Variants in PITPNM3 observed in about 807,000 individuals in gnomAD.
The protein encoded by PITPNM3 is membrane-associated phosphatidylinositol transfer protein 3.
In PITPNM3, 26 loss-of-function variants were observed where a neutral mutation model predicts 102.0. The observed-to-expected ratio is 0.25, with a 90% CI of 0.19 to 0.35. The LOEUF (loss-of-function observed/expected upper bound fraction) is 0.35, where lower values mean the gene tolerates loss of function less well. Among genes scored for constraint, PITPNM3 ranks in the 10% least tolerant of loss-of-function variants. The pLI is 1.00. For synonymous variants in PITPNM3, 578 were observed against 558.6 expected (o/e 1.03, Z -0.49); for missense variants, 1,083 against 1,346.1 (o/e 0.80, Z 3.06).
chr17:6,464,614 C>G (rs770735642), intron 15 of PITPNM3, 41 bp downstream of exon 15: 1 of 1,563,308 alleles, frequency 6.4e-7, no homozygotes, highest in East Asian at 2.2e-5. Flanking sequence ...GCACCTGGTG[C>G]AGGTGGAGTG....
chr17:6,456,645 C>A (rs1401410855), intron 19 of PITPNM3, among the ~76,000 whole-genome samples: 1 of 152,176 alleles, frequency 6.6e-6, no homozygotes, highest in Non-Finnish European at 1.5e-5. Flanking sequence ...AGCAGGGCCT[C>A]TGAGTTCCCA....
intron 4 of PITPNM3, among the ~76,000 whole-genome samples, chr17:6,498,398 T>C (rs1187248790): frequency 2.0e-5 from 3 of 152,002 alleles, no homozygotes; most frequent in Admixed American, 6.6e-5. Context: ...TCGGGTAAGG[T>C]TGTATGGAGG....
At chr17:6,483,840 C>A (rs905576219) in intron 5 of PITPNM3, 88 bp from the exon 6 acceptor site, 6 of 1,034,176 alleles carry the variant, frequency 5.8e-6, no homozygotes, top group African/African-American at 1.6e-5. Flanking sequence ...TGTGCGCATA[C>A]ACACACACTC....
chr17:6,472,601 T>C lies in PITPNM3; in HGVS notation c.1429+56A>G, dbSNP rs1567665182. On this transcript the variant is annotated intron_variant, in intron 11 of 19. Transcript: ENST00000262483. This position sits in a 1 kb window ranked among gnomAD's most constrained non-coding sequence, Gnocchi z 4.1. ...TCACTGAGAGCTTGGAGGGGTTGAA[T>C]GGGCTGGGGCCCCACCTCCAGCTCA... 1 of 1,574,156 alleles carries C rather than the reference T, an allele frequency of 6.4e-7. No homozygotes were observed. Among genetic ancestry groups the C allele is most frequent in the Non-Finnish European group, 8.6e-7 (1 of 1,159,752 alleles).
At chr17:6,553,404 C>G (rs1052439952) in intron 1 of PITPNM3, among the ~76,000 whole-genome samples, 1 of 152,192 alleles carries the variant, frequency 6.6e-6, no homozygotes, top group East Asian at 1.9e-4. Context: ...TCTCTTGTAC[C>G]TGGATTCTCC....
At chr17:6,493,452 A>G (rs1906616797) in intron 4 of PITPNM3, among the ~76,000 whole-genome samples, 1 of 152,238 alleles carries the variant, frequency 6.6e-6, no homozygotes, top group Admixed American at 6.5e-5. Context: ...GTTTCTGGAG[A>G]GCCATTCCAA....
intron 1 of PITPNM3, among the ~76,000 whole-genome samples, chr17:6,549,676 T>C (rs1410396884): frequency 6.6e-6 from 1 of 152,248 alleles, no homozygotes; most frequent in African/African-American, 2.4e-5. Flanking sequence ...TAGCATTTTC[T>C]TTCTCTTTAG....
intron 6 of PITPNM3, chr17:6,480,560 C>G (rs1271994591): frequency 6.6e-6 from 1 of 152,308 alleles, no homozygotes; most frequent in Admixed American, 6.5e-5. Context: ...TCCGGAGCCC[C>G]GGGGTATGAG....
At chr17:6,525,875 C>T (rs937760642) in intron 2 of PITPNM3, among the ~76,000 whole-genome samples, 10 of 152,156 alleles carry the variant, frequency 6.6e-5, no homozygotes, top group African/African-American at 2.2e-4. Flanking sequence ...GATCTGGCCA[C>T]AGAGGTGTTG....
intron 3 of PITPNM3, among the ~76,000 whole-genome samples, chr17:6,516,580 C>CAAAG (rs1370269308): frequency 2.4e-5 from 3 of 122,742 alleles, no homozygotes; most frequent in East Asian, 2.2e-4. Context: ...AAAAAAAAAA[C>CAAAG]AAAGAAAGAA....
chr17:6,549,053 C>T (rs1047924834), intron 1 of PITPNM3, among the ~76,000 whole-genome samples: 11 of 152,076 alleles, frequency 7.2e-5, no homozygotes, highest in Admixed American at 6.5e-4. Context: ...AGGCTCCCAA[C>T]ACCCCCAGGA....
intron 3 of PITPNM3, among the ~76,000 whole-genome samples, chr17:6,511,311 A>T (rs953162258): frequency 1.3e-5 from 2 of 152,226 alleles, no homozygotes; most frequent in Non-Finnish European, 2.9e-5. Context: ...TTGGATAAAG[A>T]TGGTAAACTG....
intron 1 of PITPNM3, among the ~76,000 whole-genome samples, chr17:6,545,824 C>G (rs1323472935): frequency 6.6e-6 from 1 of 152,238 alleles, no homozygotes; most frequent in African/African-American, 2.4e-5. Flanking sequence ...TGGGTCCAGG[C>G]CTGCCTGCCC....
chr17:6,507,804 T>G (rs890633456), intron 3 of PITPNM3, among the ~76,000 whole-genome samples: 1 of 152,160 alleles, frequency 6.6e-6, no homozygotes, highest in Non-Finnish European at 1.5e-5. Context: ...TACCTCCACA[T>G]TCTCATGCCA....
chr17:6,520,556 G>A (rs1003598747), intron 3 of PITPNM3, among the ~76,000 whole-genome samples: 1 of 152,228 alleles, frequency 6.6e-6, no homozygotes, highest in African/African-American at 2.4e-5. Context: ...GACCTCTAGA[G>A]AGATACGTTG....
rs370302780 is a variant in PITPNM3, at chr17:6,474,564, C to T, written c.1126G>A (p.Ala376Thr). ...SVLKDESETP[A>T]AGGPQLPEVS... ...TCAGGGAGCTGCGGCCCCCCAGCCG[C>T]CGGGGTCTCAGACTCATCCTTTAGC... Residue 376 changes from alanine to threonine, a missense_variant, in exon 10 of 20, where the codon GCG becomes ACG. Ala to Thr is a moderately conservative substitution (Grantham distance 58). Coordinates refer to ENST00000262483, the MANE Select transcript of PITPNM3 (RefSeq NM_031220.4). The T allele has an allele frequency of 6.3e-7, 1 of 1,592,572 alleles. No homozygotes were observed. Among genetic ancestry groups the T allele is most frequent in the East Asian group, 2.3e-5 (1 of 43,536 alleles).
intron 3 of PITPNM3, among the ~76,000 whole-genome samples, chr17:6,523,512 C>A (rs1013986599): frequency 1.2e-4 from 19 of 152,322 alleles, no homozygotes; most frequent in African/African-American, 4.1e-4. Flanking sequence ...CTGCCTCTTG[C>A]TCACCTGACC....
At chr17:6,460,097 T>C (rs1422563731) in intron 18 of PITPNM3, among the ~76,000 whole-genome samples, 1 of 152,196 alleles carries the variant, frequency 6.6e-6, no homozygotes. Flanking sequence ...ATTTATGATC[T>C]TGGCCTGGTT....
chr17:6,474,676 A>G, intron 9 of PITPNM3, 72 bp from the exon 10 acceptor site: 1 of 1,488,216 alleles, frequency 6.7e-7, no homozygotes, highest in Non-Finnish European at 9.0e-7. Context: ...TTCACACAGC[A>G]GCGCAGCCTG....
Sources: allele counts gnomAD v4.1 joint callset (sites outside exome capture counted in the v4.1 genomes callset), GRCh38; gene constraint gnomAD v4.1.1; non-coding constraint Gnocchi (gnomAD v3.1); transcripts MANE v1.5; gene names NCBI Gene and HGNC (gene_info 2026-07-23, HGNC 2026-07-21).